Variants in SORCS2 observed in about 807,000 individuals in gnomAD.
SORCS2 encodes the protein sortilin related VPS10 domain containing receptor 2.
SORCS2 carries 100 observed loss-of-function variants against 141.6 expected under a neutral mutation model. The ratio of observed to expected loss-of-function variants is 0.71; its 90% CI spans 0.60 to 0.83. The LOEUF (loss-of-function observed/expected upper bound fraction) is 0.83, where lower values mean the gene tolerates loss of function less well. SORCS2 is among the 40% of genes least tolerant of loss of function. The pLI is 0.00. For missense variants in SORCS2, 1,646 were observed against 1,560.2 expected (o/e 1.05, Z -0.93); for synonymous variants, 789 against 676.9 (o/e 1.17, Z -2.57).
chr4:7,629,775 C>G (rs1306356359), intron 3 of SORCS2, among the ~76,000 whole-genome samples: 1 of 152,034 alleles, frequency 6.6e-6, no homozygotes, highest in Non-Finnish European at 1.5e-5. Context: ...CCTCCCTCTA[C>G]TTGGGTGTAC....
intron 2 of SORCS2, among the ~76,000 whole-genome samples, chr4:7,436,845 C>G (rs182675878): frequency 1.3e-5 from 2 of 152,188 alleles, no homozygotes; most frequent in Admixed American, 6.5e-5. Flanking sequence ...TGGATGCACA[C>G]GTGTCTTCCC....
At chr4:7,530,080 G>A (rs1181857090) in intron 2 of SORCS2, among the ~76,000 whole-genome samples, 1 of 152,214 alleles carries the variant, frequency 6.6e-6, no homozygotes, top group African/African-American at 2.4e-5. Flanking sequence ...ATGATAAACA[G>A]TCCATTTTTC....
At chr4:7,590,754 C>A (rs1363466116) in intron 3 of SORCS2, among the ~76,000 whole-genome samples, 3 of 152,194 alleles carry the variant, frequency 2.0e-5, no homozygotes, top group Non-Finnish European at 4.4e-5. Context: ...GTGTGAGCCA[C>A]TGCGCCGGCT....
rs374767969 is a variant in SORCS2 at position 7,293,245 on chromosome 4, A to G, written c.480+100119A>G. Among the ~76,000 whole-genome samples, 11 of 151,916 alleles carry G rather than the reference A, an allele frequency of 7.2e-5. No homozygotes were observed. The South Asian group carries it at 1.5e-3, about 20-fold the overall frequency. ...CGTGAACCCAGGAGGTGGAGCTTGCAGTGAGCCGAGATCGCGCCACTGCAC... is the reference window on the plus strand; with the variant it reads ...CGTGAACCCAGGAGGTGGAGCTTGCGGTGAGCCGAGATCGCGCCACTGCAC... On this transcript the variant is annotated intron_variant, in intron 1 of 26. Transcript: ENST00000507866.
intron 1 of SORCS2, among the ~76,000 whole-genome samples, chr4:7,264,969 A>C (rs997319388): frequency 1.3e-5 from 2 of 152,198 alleles, no homozygotes; most frequent in African/African-American, 4.8e-5. Flanking sequence ...CCGCTCCTCC[A>C]GCATTGCTGT....
In SORCS2 at chr4:7,664,260, G is replaced by A. The variant is rs889935479; in HGVS notation, c.953-93G>A. 27 of 972,708 alleles carry A rather than the reference G, an allele frequency of 2.8e-5. No individual in the cohort carries two copies. In the African/African-American group the frequency reaches 3.9e-4, roughly 14 times the overall value. 60.3% of individuals were successfully genotyped at this position (972,708 alleles called of 1,614,324 possible). A position where few individuals can be genotyped will look rare whatever the true frequency, so the allele number is the denominator to read the frequency against. On this transcript the variant is annotated intron_variant, in intron 6 of 26. Transcript: ENST00000507866. This position sits in a 1 kb window ranked among gnomAD's most constrained non-coding sequence, Gnocchi z 4.7. ...AAGCCCATGAAGCCACACCACAGCG[G>A]TATTGGAGGAAGATGGAGTCCAGCA...
chr4:7,311,174 G>A (rs890300548), intron 1 of SORCS2, among the ~76,000 whole-genome samples: 5 of 152,046 alleles, frequency 3.3e-5, no homozygotes, highest in African/African-American at 1.2e-4. Flanking sequence ...TTTCGTCTCT[G>A]CAGTATCCTC....
At chr4:7,318,922 G>T (rs1056682775) in intron 1 of SORCS2, among the ~76,000 whole-genome samples, 1 of 152,126 alleles carries the variant, frequency 6.6e-6, no homozygotes. Flanking sequence ...GACAACTACC[G>T]ATCTGGTTTT....
intron 25 of SORCS2, 99 bp from the exon 26 acceptor site, chr4:7,736,970 C>A: frequency 7.0e-7 from 1 of 1,437,934 alleles, no homozygotes; most frequent in Non-Finnish European, 9.4e-7. Context: ...GGGCACCGTG[C>A]ACCACACTCG....
Position 7,434,751 on chromosome 4 carries a change from G to T in SORCS2, c.548+38396G>T, listed in dbSNP as rs202044921. Reference sequence around the variant, plus strand: ...CCCCTTGGCAGTACCCCACAGCCCCGCACCTGGCAGCTGTCTGCAGATCCT... The same window carrying T: ...CCCCTTGGCAGTACCCCACAGCCCCTCACCTGGCAGCTGTCTGCAGATCCT... On this transcript the variant is annotated intron_variant, in intron 2 of 26. Coordinates refer to ENST00000507866, the MANE Select transcript of SORCS2 (RefSeq NM_020777.3). 8.7e-6 allele frequency: 14 copies of T among 1,612,762 alleles called. No individual in the cohort carries two copies. In the South Asian group the frequency reaches 1.5e-4, roughly 18 times the overall value.
intron 1 of SORCS2, among the ~76,000 whole-genome samples, chr4:7,219,570 G>A (rs1728572788): frequency 1.3e-5 from 2 of 152,334 alleles, no homozygotes; most frequent in East Asian, 1.9e-4. Context: ...GAAGCAAGGC[G>A]ACTTCTTCAC....
chr4:7,350,879 C>T (rs1002268790), intron 1 of SORCS2, among the ~76,000 whole-genome samples: 7 of 152,188 alleles, frequency 4.6e-5, no homozygotes, highest in Non-Finnish European at 7.4e-5. Context: ...GTCCACTCTT[C>T]GTGGCTGCTT....
chr4:7,724,483 A>ATGGTGG lies in SORCS2; in HGVS notation c.2611+609_2611+614dup, dbSNP rs1553808414. ...GGTGGTGGTGATGGTGATGGTGGTG[A>ATGGTGG]TGGTGGTGGTGGTGACAATGGTGGT... On this transcript the variant is annotated intron_variant, in intron 19 of 26. Transcript: ENST00000507866. 4.8e-4 allele frequency among the ~76,000 whole-genome samples: 47 copies of ATGGTGG among 97,442 alleles called. 1 individual carries two copies. Among genetic ancestry groups the ATGGTGG allele is most frequent in the South Asian group, 3.4e-3 (9 of 2,626 alleles). 63.9% of individuals were successfully genotyped at this position (97,442 alleles called of 152,430 possible).
intron 23 of SORCS2, among the ~76,000 whole-genome samples, chr4:7,731,797 A>C (rs919218144): frequency 3.9e-5 from 6 of 152,234 alleles, no homozygotes; most frequent in Admixed American, 2.0e-4. Context: ...ACCCTCTACA[A>C]AATCCAGCTC....
At chr4:7,715,535 G>A (rs987249374) in intron 17 of SORCS2, among the ~76,000 whole-genome samples, 1 of 152,216 alleles carries the variant, frequency 6.6e-6, no homozygotes, top group Non-Finnish European at 1.5e-5. Flanking sequence ...TAGCTCCCAG[G>A]CCAAAGGAAC....
At chr4:7,641,027 A>G (rs1362802233) in intron 4 of SORCS2, among the ~76,000 whole-genome samples, 1 of 152,180 alleles carries the variant, frequency 6.6e-6, no homozygotes, top group Admixed American at 6.5e-5. Context: ...GGTTGGAAAG[A>G]GGCAGCATGG....
At chr4:7,450,751 G>A (rs940517530) in intron 2 of SORCS2, among the ~76,000 whole-genome samples, 2 of 152,140 alleles carry the variant, frequency 1.3e-5, no homozygotes, top group Non-Finnish European at 2.9e-5. Context: ...ATGAATGAGT[G>A]AGAGAGTGAG....
chr4:7,336,981 G>A (rs1720027786), intron 1 of SORCS2, among the ~76,000 whole-genome samples: 1 of 152,178 alleles, frequency 6.6e-6, no homozygotes, highest in Non-Finnish European at 1.5e-5. Context: ...GCGCGGTGGT[G>A]AGGATTGATT....
At chr4:7,605,404 G>A (rs550684083) in intron 3 of SORCS2, among the ~76,000 whole-genome samples, 32 of 152,254 alleles carry the variant, frequency 2.1e-4, no homozygotes, top group Admixed American at 7.2e-4. Context: ...GTTCTTCGAG[G>A]AAAGGATAGG....
Sources: allele counts gnomAD v4.1 joint callset (sites outside exome capture counted in the v4.1 genomes callset), GRCh38; gene constraint gnomAD v4.1.1; non-coding constraint Gnocchi (gnomAD v3.1); transcripts MANE v1.5; gene names NCBI Gene and HGNC (gene_info 2026-07-23, HGNC 2026-07-21).